Variants in XKR4 observed in about 807,000 individuals in gnomAD.
The protein encoded by XKR4 is XK related 4.
In XKR4, 12 loss-of-function variants were observed where a neutral mutation model predicts 53.9. That is an observed-to-expected ratio of 0.22 (90% CI 0.14 to 0.36). The LOEUF is 0.36. Ranked by LOEUF, XKR4 falls within the 10% of genes least tolerant of loss-of-function variation. The probability of loss-of-function intolerance (pLI) is 1.00; values close to 1 mark genes in which losing one functional copy is unlikely to be tolerated. For missense variants in XKR4, 799 were observed against 859.5 expected (o/e 0.93, Z 0.88); for synonymous variants, 354 against 362.4 (o/e 0.98, Z 0.26).
At chr8:55,479,142 G>A (rs1289492138) in intron 2 of XKR4, among the ~76,000 whole-genome samples, 1 of 151,910 alleles carries the variant, frequency 6.6e-6, no homozygotes, top group East Asian at 1.9e-4. Flanking sequence ...GTGATCACAT[G>A]CTTGGAAGTA....
chr8:55,377,530 C>T (rs1203007981), intron 2 of XKR4, among the ~76,000 whole-genome samples: 1 of 151,920 alleles, frequency 6.6e-6, no homozygotes, highest in Non-Finnish European at 1.5e-5. Flanking sequence ...GTGAGGAATA[C>T]CTCACTGCTT....
intron 1 of XKR4, among the ~76,000 whole-genome samples, chr8:55,206,201 G>T (rs181926829): frequency 1.3e-5 from 2 of 152,142 alleles, no homozygotes; most frequent in African/African-American, 2.4e-5. Context: ...GAAGGGGGCC[G>T]GAGCGGGTTG....
intron 1 of XKR4, among the ~76,000 whole-genome samples, chr8:55,171,538 ATACC>A (rs1229868299): frequency 2.0e-5 from 3 of 152,148 alleles, no homozygotes; most frequent in Non-Finnish European, 4.4e-5. Flanking sequence ...TTTGAGCCTT[ATACC>A]TCTGGAGAGT....
At chr8:55,277,553 A>G (rs571990311) in intron 1 of XKR4, among the ~76,000 whole-genome samples, 2 of 152,332 alleles carry the variant, frequency 1.3e-5, no homozygotes, top group African/African-American at 2.4e-5. Context: ...TTAATTTTAT[A>G]TAATATTTTT....
At chr8:55,118,259 C>G (rs911682505) in intron 1 of XKR4, among the ~76,000 whole-genome samples, 5 of 152,176 alleles carry the variant, frequency 3.3e-5, no homozygotes, top group Non-Finnish European at 7.3e-5. Context: ...ATGCGTAGTA[C>G]TAAAGAATGC....
At chr8:55,259,738 G>A (rs747538441) in intron 1 of XKR4, among the ~76,000 whole-genome samples, 32 of 152,320 alleles carry the variant, frequency 2.1e-4, no homozygotes, top group Non-Finnish European at 4.3e-4. Context: ...TTTCAGTGGA[G>A]AACCGAAAGG....
At chr8:55,235,126 C>T (rs987796459) in intron 1 of XKR4, among the ~76,000 whole-genome samples, 1 of 152,216 alleles carries the variant, frequency 6.6e-6, no homozygotes, top group Non-Finnish European at 1.5e-5. Flanking sequence ...CTCCCACCTT[C>T]TAAGGCTGCT....
chr8:55,459,969 C>A (rs1238804684), intron 2 of XKR4, among the ~76,000 whole-genome samples: 6 of 145,884 alleles, frequency 4.1e-5, no homozygotes, highest in Admixed American at 2.8e-4. Flanking sequence ...CAGTTTTGTC[C>A]ACAAATATTT....
intron 2 of XKR4, among the ~76,000 whole-genome samples, chr8:55,386,124 A>G (rs1269278749): frequency 6.6e-6 from 1 of 152,228 alleles, no homozygotes; most frequent in Non-Finnish European, 1.5e-5. Context: ...TTGTAGGACG[A>G]GGAGACAGCA....
At chr8:55,139,199 C>T (rs1256906109) in intron 1 of XKR4, among the ~76,000 whole-genome samples, 1 of 152,062 alleles carries the variant, frequency 6.6e-6, no homozygotes, top group African/African-American at 2.4e-5. Context: ...CAGGGGGATC[C>T]CACGTGCTGA....
intron 2 of XKR4, among the ~76,000 whole-genome samples, chr8:55,483,071 G>A (rs1806135773): frequency 6.6e-6 from 1 of 152,118 alleles, no homozygotes; most frequent in African/African-American, 2.4e-5. Context: ...CACTCATTCA[G>A]GTGGTGGTAG....
At chr8:55,468,863 C>A (rs1222742706) in intron 2 of XKR4, among the ~76,000 whole-genome samples, 1 of 152,092 alleles carries the variant, frequency 6.6e-6, no homozygotes, top group African/African-American at 2.4e-5. Flanking sequence ...TAAAATCTTG[C>A]CTTCAAGGTT....
intron 1 of XKR4, chr8:55,140,086 G>A (rs1816683177): frequency 2.8e-6 from 1 of 356,128 alleles, no homozygotes; most frequent in African/African-American, 2.2e-5. Flanking sequence ...TAGAAAAACA[G>A]TACCTCTTAA....
At chr8:55,342,303 C>A (rs187644868) in intron 1 of XKR4, among the ~76,000 whole-genome samples, 2 of 152,146 alleles carry the variant, frequency 1.3e-5, no homozygotes, top group Non-Finnish European at 2.9e-5. Flanking sequence ...CAGTTCCTCA[C>A]TGCTATTGTG....
chr8:55,390,884 A>G (rs190635172), intron 2 of XKR4, among the ~76,000 whole-genome samples: 2 of 152,228 alleles, frequency 1.3e-5, no homozygotes, highest in South Asian at 2.1e-4. Flanking sequence ...AGCCATTCTC[A>G]TCTCCTTCTT....
At chr8:55,402,443 G>A (rs1200832019) in intron 2 of XKR4, among the ~76,000 whole-genome samples, 2 of 152,228 alleles carry the variant, frequency 1.3e-5, no homozygotes, top group Non-Finnish European at 2.9e-5. Flanking sequence ...ACTGGCCAAT[G>A]TGGGACCAAA....
At chr8:55,443,530 TAAAAAAAAAAAAAA>T (rs751152509) in intron 2 of XKR4, among the ~76,000 whole-genome samples, 2 of 74,010 alleles carry the variant, frequency 2.7e-5, no homozygotes, top group Middle Eastern at 0.014. Context: ...TCAGTTACAT[TAAAAAAAAAAAAAA>T]AAAAAAAAAA....
rs1806971070 is a variant in XKR4 at position 55,532,705 on chromosome 8, G to T, written c.*8478G>T. On this transcript the variant is annotated 3_prime_UTR_variant, in exon 3 of 3. Coordinates refer to ENST00000327381, the MANE Select transcript of XKR4 (RefSeq NM_052898.2). ...CCAGCTACTCGGGAGGCTGAGGCAGGAGAATGGCATGAACCCAGGAGGCAG... is the reference window on the plus strand; with the variant it reads ...CCAGCTACTCGGGAGGCTGAGGCAGTAGAATGGCATGAACCCAGGAGGCAG... The T allele has an allele frequency of 6.7e-6, 1 of 149,414 alleles. No homozygotes were observed. The highest frequency in any genetic ancestry group is 2.0e-4 in the East Asian group (1 of 4,982). 9.3% of individuals were successfully genotyped at this position (149,414 alleles called of 1,614,324 possible).
intron 2 of XKR4, among the ~76,000 whole-genome samples, chr8:55,465,584 T>A (rs1386593919): frequency 2.0e-5 from 3 of 151,630 alleles, no homozygotes; most frequent in African/African-American, 7.3e-5. Flanking sequence ...GGGCAAGGAC[T>A]TCATGTCTAA....
Sources: allele counts gnomAD v4.1 joint callset (sites outside exome capture counted in the v4.1 genomes callset), GRCh38; gene constraint gnomAD v4.1.1; transcripts MANE v1.5; gene names NCBI Gene and HGNC (gene_info 2026-07-23, HGNC 2026-07-21).